The following ZFHX3 variants were observed in gnomAD, a reference collection of about 807,000 sequenced individuals.
The protein encoded by ZFHX3 is zinc finger homeobox protein 3.
ZFHX3 carries 42 observed loss-of-function variants against 279.1 expected under a neutral mutation model. That is an observed-to-expected ratio of 0.15 (90% CI 0.12 to 0.19). ZFHX3 has a LOEUF of 0.19. Ranked by LOEUF, ZFHX3 falls within the 10% of genes least tolerant of loss-of-function variation. ZFHX3 has a pLI of 1.00. For missense variants in ZFHX3, 4,981 were observed against 4,754.0 expected (o/e 1.05, Z -1.40); for synonymous variants, 2,293 against 1,957.8 (o/e 1.17, Z -4.52).
At chr16:73,454,167 T>G (rs1037027750) in intron 3 of ZFHX3, among the ~76,000 whole-genome samples, 7 of 152,214 alleles carry the variant, frequency 4.6e-5, no homozygotes, top group African/African-American at 1.7e-4. Flanking sequence ...ACAGCTGTTT[T>G]ACACCATTGT....
chr16:73,283,039 C>A (rs968643524), intron 4 of ZFHX3, among the ~76,000 whole-genome samples: 7 of 152,294 alleles, frequency 4.6e-5, no homozygotes, highest in Non-Finnish European at 8.8e-5. Flanking sequence ...ATAAATAAAT[C>A]TATACTAAAA....
intron 3 of ZFHX3, among the ~76,000 whole-genome samples, chr16:72,898,130 T>C (rs1333119987): frequency 1.3e-5 from 2 of 152,200 alleles, no homozygotes; most frequent in African/African-American, 2.4e-5. Flanking sequence ...TCAACCTAAA[T>C]ATATATGTAT....
At chr16:73,708,171 T>C (rs1251775795) in intron 1 of ZFHX3, among the ~76,000 whole-genome samples, 1 of 152,194 alleles carries the variant, frequency 6.6e-6, no homozygotes, top group Non-Finnish European at 1.5e-5. Context: ...AGTGACCATA[T>C]GGCAAGACAC....
chr16:72,876,950 G>A (rs1410507809), intron 4 of ZFHX3, among the ~76,000 whole-genome samples: 1 of 152,130 alleles, frequency 6.6e-6, no homozygotes, highest in African/African-American at 2.4e-5. Context: ...GGGAGAAAGG[G>A]GGGTGATTCC....
intron 2 of ZFHX3, among the ~76,000 whole-genome samples, chr16:73,674,255 C>A (rs894492235): frequency 7.9e-5 from 12 of 151,748 alleles, no homozygotes; most frequent in African/African-American, 2.9e-4. Flanking sequence ...AAATAGAATA[C>A]AAAAAAGTAA....
intron 4 of ZFHX3, among the ~76,000 whole-genome samples, chr16:73,272,466 A>G (rs1420125696): frequency 1.3e-5 from 2 of 152,190 alleles, no homozygotes; most frequent in East Asian, 3.8e-4. Flanking sequence ...CTTGTTGCCA[A>G]TAGAAGGAAG....
intron 8 of ZFHX3, among the ~76,000 whole-genome samples, chr16:73,068,616 T>C (rs1260728670): frequency 1.3e-5 from 2 of 152,228 alleles, no homozygotes; most frequent in East Asian, 3.8e-4. Flanking sequence ...TTTTTGTTTT[T>C]CTTTGTAAAT....
At chr16:73,061,776 A>T (rs1174986777), upstream of ZFHX3, 1 of 152,148 alleles carries the variant, frequency 6.6e-6, no homozygotes, top group Non-Finnish European at 1.5e-5. Flanking sequence ...AAAATCACTT[A>T]AATACTATGT....
intron 1 of ZFHX3, among the ~76,000 whole-genome samples, chr16:73,883,032 A>G (rs76550992): frequency 0.021 from 3,059 of 143,450 alleles, 107 homozygotes; most frequent in African/African-American, 0.085. Flanking sequence ...AAGCTTTTTA[A>G]AAAAAAAAAT....
At chr16:72,859,120 T>C (rs1323798421) in intron 4 of ZFHX3, among the ~76,000 whole-genome samples, 2 of 152,176 alleles carry the variant, frequency 1.3e-5, no homozygotes, top group East Asian at 3.9e-4. Context: ...GGTCACAGCT[T>C]GATGTTTCCA....
intron 7 of ZFHX3, among the ~76,000 whole-genome samples, chr16:73,098,118 A>G (rs146303155): frequency 4.0e-4 from 59 of 146,464 alleles, no homozygotes; most frequent in African/African-American, 1.3e-3. Flanking sequence ...CCCAGGCTGG[A>G]GTGCAGTGGC....
chr16:72,801,945 C>T (rs1156567637), intron 7 of ZFHX3, among the ~76,000 whole-genome samples: 1 of 151,736 alleles, frequency 6.6e-6, no homozygotes, highest in Non-Finnish European at 1.5e-5. Context: ...CCCCCCACCT[C>T]CTTTCTCGGT....
chr16:73,424,175 C>A (rs147285037), intron 3 of ZFHX3, among the ~76,000 whole-genome samples: 1 of 152,080 alleles, frequency 6.6e-6, no homozygotes, highest in Non-Finnish European at 1.5e-5. Context: ...ACTTTCACCC[C>A]GAAAGCATAC....
chr16:73,752,272 G>A (rs369454009), intron 1 of ZFHX3, among the ~76,000 whole-genome samples: 1 of 152,140 alleles, frequency 6.6e-6, no homozygotes, highest in East Asian at 1.9e-4. Context: ...TAGTTTGAGA[G>A]GGTGTCAGCT....
chr16:73,023,025 C>T (rs1964361023), intron 1 of ZFHX3, among the ~76,000 whole-genome samples: 1 of 152,136 alleles, frequency 6.6e-6, no homozygotes, highest in Non-Finnish European at 1.5e-5. Context: ...GTCAGGAGTT[C>T]GAGGCCAACC....
intron 4 of ZFHX3, among the ~76,000 whole-genome samples, chr16:72,857,624 G>A (rs554794349): frequency 1.3e-5 from 2 of 152,232 alleles, no homozygotes; most frequent in African/African-American, 4.8e-5. Context: ...GTATGAGGCT[G>A]TAGTGAACCG....
chr16:73,254,673 T>C (rs544742285), intron 5 of ZFHX3, among the ~76,000 whole-genome samples: 6 of 152,112 alleles, frequency 3.9e-5, no homozygotes, highest in South Asian at 4.1e-4. Context: ...TCACAACCAG[T>C]TTATATGATT....
At chr16:73,265,488 T>G (rs990887271) in intron 4 of ZFHX3, among the ~76,000 whole-genome samples, 6 of 152,208 alleles carry the variant, frequency 3.9e-5, no homozygotes, top group African/African-American at 1.4e-4. Context: ...TTGTTTGTTT[T>G]TTGTGAATGC....
intron 1 of ZFHX3, among the ~76,000 whole-genome samples, chr16:73,867,695 G>T (rs1962062511): frequency 2.0e-5 from 3 of 152,022 alleles, no homozygotes; most frequent in Admixed American, 2.0e-4. Flanking sequence ...CGTTTTTCTG[G>T]GCATCTGATG....
Sources: allele counts gnomAD v4.1 joint callset (sites outside exome capture counted in the v4.1 genomes callset), GRCh38; gene constraint gnomAD v4.1.1; transcripts MANE v1.5; gene names NCBI Gene and HGNC (gene_info 2026-07-23, HGNC 2026-07-21).